WDFY3: variants seen among roughly 807,000 people sequenced by gnomAD.
WDFY3 encodes the protein WD repeat and FYVE domain-containing protein 3.
Under a neutral mutation model 409.6 loss-of-function variants are expected in WDFY3, and 66 were observed. That is an observed-to-expected ratio of 0.16 (90% confidence interval 0.13 to 0.20). WDFY3 has a LOEUF of 0.20. WDFY3 is among the 10% of genes least tolerant of loss of function. The probability of loss-of-function intolerance (pLI) is 1.00; values close to 1 mark genes in which losing one functional copy is unlikely to be tolerated. For missense variants in WDFY3, 3,031 were observed against 4,298.1 expected, an observed-to-expected ratio of 0.71 and a Z score of 8.24; for synonymous variants, 1,521 against 1,537.1, an observed-to-expected ratio of 0.99 and a Z score of 0.25.
At chr4:84,941,551 G>A (rs1288386355) in intron 1 of WDFY3, among the ~76,000 whole-genome samples, 2 of 151,898 alleles carry the variant, frequency 1.3e-5, no homozygotes, top group Non-Finnish European at 2.9e-5. Context: ...TAAATAGAGA[G>A]ATACTCTATG....
intron 3 of WDFY3, among the ~76,000 whole-genome samples, chr4:84,877,076 T>C (rs562213991): frequency 6.6e-6 from 1 of 152,208 alleles, no homozygotes; most frequent in African/African-American, 2.4e-5. Flanking sequence ...TGAAGGAATA[T>C]ATGTATGATT....
chr4:84,871,818 A>T (rs148945817), intron 3 of WDFY3, among the ~76,000 whole-genome samples: 16 of 152,106 alleles, frequency 1.1e-4, no homozygotes, highest in African/African-American at 3.4e-4. Context: ...TATTTTCTGT[A>T]GAGCTAGGTA....
Position 84,753,687 on chromosome 4 carries a change from C to A in WDFY3, c.5739+10G>T, listed in dbSNP as rs77589812. 3.7e-4 allele frequency: 568 copies of A among 1,550,768 alleles called. 3 individuals are homozygous for A. The African/African-American group carries it at 6.7e-3, about 18-fold the overall frequency. On this transcript the variant is annotated intron_variant, in intron 35 of 67. Coordinates refer to ENST00000295888, the MANE Select transcript of WDFY3 (RefSeq NM_014991.6). ...ATTCCAGTTCTGACATTTTCCTCCCCCTTTCCTACCATCTCTGAGTAAGGG... is the reference window on the plus strand; with the variant it reads ...ATTCCAGTTCTGACATTTTCCTCCCACTTTCCTACCATCTCTGAGTAAGGG...
At position 84,691,667 on chromosome 4, in the gene WDFY3, G is replaced by C; in HGVS notation, c.9168C>G (p.Asp3056Glu). The part of the protein sequence containing the change: ...WNKTFAWGYA[D>E]LSCRLGTYES... The stretch of plus-strand genomic sequence containing the variant: ...CATAGGTTCCCAGTCTGCAACTGAG[G>C]TCTGCATAGCCCCAAGCAAAAGTTT... Residue 3056 changes from aspartate to glutamate, a missense_variant, in exon 60 of 68, where the codon GAC becomes GAG. Transcript: ENST00000295888. 6.2e-7 allele frequency: 1 copy of C among 1,614,024 alleles called. No individual in the cohort carries two copies. The highest frequency in any genetic ancestry group is 8.5e-7 in the Non-Finnish European group (1 of 1,179,960).
Position 84,796,523 on chromosome 4 carries a change from A to G in WDFY3, c.3165T>C (p.Phe1055=). Residue 1055 remains phenylalanine, a splice_region_variant and synonymous_variant, in exon 19 of 68, where the codon TTT becomes TTC. Transcript: ENST00000295888. The part of the protein sequence containing the change: ...FVEFDTSLEG[F]GCLFLPSLAP... ...TGGCTTCCTTGCAAATTTCTTACCC[A>G]AACCCTTCAAGTGATGTGTCAAATT... is the stretch of plus-strand genomic sequence containing the variant. 1 of 1,561,406 alleles carries G rather than the reference A, an allele frequency of 6.4e-7. No individual in the cohort carries two copies. Among genetic ancestry groups the G allele is most frequent in the Non-Finnish European group, 8.7e-7 (1 of 1,150,470 alleles).
rs1267854998 is a variant in WDFY3, at chr4:84,849,874, C to T, written c.304+28G>A. The stretch of plus-strand genomic sequence containing the variant: ...GAACTGCTTGTTCATTCAAACAAAT[C>T]AGTTTTTGCTGGCTACTGTAAAAAT... On this transcript the variant is annotated intron_variant, in intron 5 of 67. Transcript: ENST00000295888. 3 of 1,603,920 alleles carry T rather than the reference C, an allele frequency of 1.9e-6. No homozygotes were observed. In the East Asian group the frequency reaches 6.7e-5, roughly 36 times the overall value.
intron 2 of WDFY3, among the ~76,000 whole-genome samples, chr4:84,924,210 A>G (rs1384821354): frequency 6.6e-6 from 1 of 152,218 alleles, no homozygotes; most frequent in Non-Finnish European, 1.5e-5. Context: ...CTATTTTCTT[A>G]AAAAGCAGAT....
Position 84,709,110 on chromosome 4 carries a change from T to C in WDFY3, c.8098-82A>G, listed in dbSNP as rs1732469849. 2.6e-6 allele frequency: 4 copies of C among 1,541,398 alleles called. No homozygotes were observed. In the Admixed American group the frequency reaches 8.0e-5, roughly 31 times the overall value. On this transcript the variant is annotated intron_variant, in intron 52 of 67. Coordinates refer to ENST00000295888, the MANE Select transcript of WDFY3 (RefSeq NM_014991.6). ...TTTTAAAATTTTATATACAAAATGA[T>C]GTAAAGGACAGTTTCTTTTTAACAG...
At chr4:84,711,297 A>C (rs1441078337) in intron 51 of WDFY3, among the ~76,000 whole-genome samples, 1 of 152,242 alleles carries the variant, frequency 6.6e-6, no homozygotes, top group Non-Finnish European at 1.5e-5. Flanking sequence ...CAGAAGTTTA[A>C]ATGTAAATGT....
chr4:84,957,797 T>G (rs1774431625), intron 1 of WDFY3, among the ~76,000 whole-genome samples: 1 of 152,214 alleles, frequency 6.6e-6, no homozygotes, highest in African/African-American at 2.4e-5. Flanking sequence ...TGCTGGGCTT[T>G]TCACATTCTG....
chr4:84,859,334 T>G (rs978308063), intron 4 of WDFY3, among the ~76,000 whole-genome samples: 1 of 151,990 alleles, frequency 6.6e-6, no homozygotes, highest in Admixed American at 6.6e-5. Context: ...AATGAGTGTA[T>G]GTATGTATGT....
At position 84,818,217 on chromosome 4, in the gene WDFY3, C is replaced by T. The variant is rs998140955; in HGVS notation, c.1694-632G>A. On this transcript the variant is annotated intron_variant, in intron 12 of 67. Transcript: ENST00000295888. The stretch of plus-strand genomic sequence containing the variant: ...GTAAGCAACAGAAAAGGATGTATGC[C>T]TACATAGCCCAGCTCTGTAAGCCTG... Among the ~76,000 whole-genome samples, 3 of 152,250 alleles carry T rather than the reference C, an allele frequency of 2.0e-5. No individual in the cohort carries two copies. In the Middle Eastern group the frequency reaches 0.01, roughly 518 times the overall value.
At chr4:84,932,708 C>G (rs953922636) in intron 1 of WDFY3, among the ~76,000 whole-genome samples, 5 of 152,164 alleles carry the variant, frequency 3.3e-5, no homozygotes, top group Non-Finnish European at 7.4e-5. Flanking sequence ...GTCCAGTACT[C>G]ATTTGTATAT....
intron 62 of WDFY3, among the ~76,000 whole-genome samples, chr4:84,687,531 T>G (rs931671501): frequency 6.6e-6 from 1 of 152,188 alleles, no homozygotes; most frequent in African/African-American, 2.4e-5. Flanking sequence ...TAATCAAATT[T>G]TGTTCTCTCT....
chr4:84,880,317 C>T (rs958718822), intron 3 of WDFY3, among the ~76,000 whole-genome samples: 6 of 152,050 alleles, frequency 3.9e-5, no homozygotes, highest in Admixed American at 2.6e-4. Flanking sequence ...AATTGTAAGA[C>T]ACTAAGTTTG....
At chr4:84,763,998 A>G (rs1450717891) in intron 32 of WDFY3, among the ~76,000 whole-genome samples, 1 of 152,238 alleles carries the variant, frequency 6.6e-6, no homozygotes, top group Non-Finnish European at 1.5e-5. Context: ...TTTCCTAATT[A>G]GAGAAATTAA....
At chr4:84,708,152 G>C (rs1732290447) in intron 53 of WDFY3, among the ~76,000 whole-genome samples, 1 of 152,174 alleles carries the variant, frequency 6.6e-6, no homozygotes, top group African/African-American at 2.4e-5. Flanking sequence ...ATATTCATAT[G>C]CATCTATGTG....
intron 15 of WDFY3, among the ~76,000 whole-genome samples, chr4:84,806,179 G>A (rs1751472244): frequency 6.6e-6 from 1 of 152,156 alleles, no homozygotes; most frequent in Non-Finnish European, 1.5e-5. Flanking sequence ...AGAGGTTCTA[G>A]AAACAGTGTG....
chr4:84,739,182 T>G, intron 39 of WDFY3, 63 bp from the exon 40 acceptor site: 1 of 1,466,942 alleles, frequency 6.8e-7, no homozygotes, highest in Non-Finnish European at 9.5e-7. Context: ...CTACAGTAAC[T>G]AAGAATTACT....
Sources: gnomAD v4.1 joint callset for allele counts (sites outside exome capture counted in the v4.1 genomes callset) on GRCh38, gnomAD v4.1.1 for gene constraint, MANE v1.5 for transcripts, NCBI Gene and HGNC (gene_info 2026-07-23, HGNC 2026-07-21) for gene names.